Variants in WWOX observed in about 807,000 individuals in gnomAD.
The protein encoded by WWOX is WW domain-containing oxidoreductase.
A neutral mutation model predicts 46.2 loss-of-function variants in WWOX; 69 were observed. The ratio of observed to expected loss-of-function variants is 1.49; its 90% CI spans 1.23 to 1.82. WWOX has a LOEUF of 1.82. Among genes scored for constraint, WWOX ranks in the 40% most tolerant of loss-of-function variants. WWOX has a pLI of 0.00. For synonymous variants in WWOX, 359 were observed against 202.6 expected (o/e 1.77, Z -6.56); for missense variants, 919 against 542.6 (o/e 1.69, Z -6.89).
chr16:79,201,411 A>T (rs1276733176), intron 8 of WWOX, among the ~76,000 whole-genome samples: 1 of 151,032 alleles, frequency 6.6e-6, no homozygotes, highest in Non-Finnish European at 1.5e-5. Context: ...TTTGCTTTGC[A>T]AGAGAGTTGG....
intron 5 of WWOX, among the ~76,000 whole-genome samples, chr16:78,377,554 C>A (rs1021860197): frequency 2.0e-5 from 3 of 152,166 alleles, no homozygotes; most frequent in Non-Finnish European, 4.4e-5. Context: ...AAAGCTCTTA[C>A]TTCAATAGCA....
intron 4 of WWOX, among the ~76,000 whole-genome samples, chr16:78,148,284 A>T (rs1345277903): frequency 6.6e-6 from 1 of 152,300 alleles, no homozygotes; most frequent in Admixed American, 6.5e-5. Context: ...AAGTGAGACC[A>T]TGGGTGTGTG....
At chr16:79,102,341 A>G (rs1235627785) in intron 8 of WWOX, among the ~76,000 whole-genome samples, 1 of 152,160 alleles carries the variant, frequency 6.6e-6, no homozygotes, top group Non-Finnish European at 1.5e-5. Context: ...TAAATGGGCA[A>G]ACTGGGAGGG....
In WWOX at chr16:78,338,997, T is replaced by C. The variant is rs116906749; in HGVS notation, c.517-47863T>C. Among the ~76,000 whole-genome samples, 64 of 120,680 alleles carry C rather than the reference T, an allele frequency of 5.3e-4. 2 individuals are homozygous for C. In the East Asian group the frequency reaches 0.012, roughly 22 times the overall value. 79.2% of individuals were successfully genotyped at this position (120,680 alleles called of 152,430 possible). ...TAGCTTTAAGTAATTGCATGTAAAC[T>C]GTTACTTCTTCATTTTCTAGTCTTA... On this transcript the variant is annotated intron_variant, in intron 5 of 8. Coordinates refer to ENST00000566780, the MANE Select transcript of WWOX (RefSeq NM_016373.4).
intron 8 of WWOX, among the ~76,000 whole-genome samples, chr16:78,644,580 G>A (rs1487380248): frequency 6.6e-6 from 1 of 151,964 alleles, no homozygotes; most frequent in Non-Finnish European, 1.5e-5. Context: ...TCCTGCCTCA[G>A]CCTCCCAAGT....
At chr16:78,397,124 G>A (rs1200524684) in intron 6 of WWOX, among the ~76,000 whole-genome samples, 2 of 152,146 alleles carry the variant, frequency 1.3e-5, no homozygotes, top group Admixed American at 1.3e-4. Flanking sequence ...ACTCCCCCAT[G>A]ATATTTCACG....
In WWOX at chr16:78,321,372, G is replaced by GTATATATACGTA. The variant is rs71137885; in HGVS notation, c.517-65481_517-65480insACGTATATATAT. ...TACGTATATATGCGTATATATATACGTATATATGCGTATATATATACGTAT... is the reference window on the plus strand; with the variant it reads ...TACGTATATATGCGTATATATATACGTATATATACGTATATATATGCGTATATATATACGTAT... On this transcript the variant is annotated intron_variant, in intron 5 of 8. Transcript: ENST00000566780. Among the ~76,000 whole-genome samples, 97 of 43,530 alleles carry GTATATATACGTA rather than the reference G, an allele frequency of 2.2e-3. 5 individuals carry two copies. The highest frequency in any genetic ancestry group is 8.3e-3 in the Admixed American group (31 of 3,726). The allele number at this position is 43,530 out of a possible 152,430, so 28.6% of individuals were successfully genotyped here.
At chr16:78,359,061 A>G (rs993446080) in intron 5 of WWOX, among the ~76,000 whole-genome samples, 1 of 152,106 alleles carries the variant, frequency 6.6e-6, no homozygotes, top group Non-Finnish European at 1.5e-5. Flanking sequence ...TGGGCTAAAT[A>G]AGAAGTTTAA....
intron 8 of WWOX, among the ~76,000 whole-genome samples, chr16:78,457,357 AAAGTAAT>A (rs1298419354): frequency 1.3e-5 from 2 of 152,202 alleles, no homozygotes; most frequent in African/African-American, 4.8e-5. Context: ...TGGTTCCTTC[AAAGTAAT>A]GACTAAGTAC....
chr16:78,965,562 C>G (rs983168956), intron 8 of WWOX, among the ~76,000 whole-genome samples: 2 of 145,058 alleles, frequency 1.4e-5, no homozygotes, highest in African/African-American at 2.6e-5. Flanking sequence ...GAGCAAAACT[C>G]CATCTTAAAA....
chr16:79,138,657 T>G (rs533590878), intron 8 of WWOX, among the ~76,000 whole-genome samples: 2 of 152,322 alleles, frequency 1.3e-5, no homozygotes, highest in East Asian at 3.9e-4. Context: ...GGGTCCTCCA[T>G]GTACAGCCAT....
chr16:78,538,627 A>G (rs1344806694), intron 8 of WWOX, among the ~76,000 whole-genome samples: 3 of 152,222 alleles, frequency 2.0e-5, no homozygotes, highest in African/African-American at 4.8e-5. Flanking sequence ...ATATGCCTCC[A>G]AAGACTTTGT....
chr16:78,379,743 T>G (rs1449524781), intron 5 of WWOX, among the ~76,000 whole-genome samples: 1 of 152,160 alleles, frequency 6.6e-6, no homozygotes, highest in East Asian at 1.9e-4. Context: ...CCCAGCTAAT[T>G]CCTAGGCAAT....
At chr16:78,186,876 G>C (rs2035725286) in intron 5 of WWOX, among the ~76,000 whole-genome samples, 1 of 152,162 alleles carries the variant, frequency 6.6e-6, no homozygotes, top group African/African-American at 2.4e-5. Flanking sequence ...CCTTAACCCA[G>C]CTTCCCCAGT....
At chr16:78,266,515 C>A (rs142511851) in intron 5 of WWOX, among the ~76,000 whole-genome samples, 260 of 152,276 alleles carry the variant, frequency 1.7e-3, no homozygotes, top group African/African-American at 6.1e-3. Context: ...TTTGTCCCTT[C>A]CCTCTGAAGG....
At chr16:78,864,543 A>G (rs2043960524) in intron 8 of WWOX, among the ~76,000 whole-genome samples, 1 of 152,126 alleles carries the variant, frequency 6.6e-6, no homozygotes, top group African/African-American at 2.4e-5. Flanking sequence ...TGCTGGGATT[A>G]TAGGCATGAG....
At chr16:78,563,179 T>G (rs1319778858) in intron 8 of WWOX, among the ~76,000 whole-genome samples, 1 of 152,226 alleles carries the variant, frequency 6.6e-6, no homozygotes, top group Admixed American at 6.5e-5. Context: ...TCAAGATGAT[T>G]ACATGGGAAA....
rs577669603 is a variant in WWOX at position 79,189,250 on chromosome 16, C to G, written c.1057-22358C>G. ...AGGCATCTATTAGGAAAGCCTATTT[C>G]TTTTTTTTTTCTTTTTGTTTTTTCT... On this transcript the variant is annotated intron_variant, in intron 8 of 8. Transcript: ENST00000566780. 2.0e-5 allele frequency among the ~76,000 whole-genome samples: 3 copies of G among 148,990 alleles called. No homozygotes were observed. In the South Asian group the frequency reaches 6.4e-4, roughly 32 times the overall value.
At chr16:79,121,350 C>T (rs1413266202) in intron 8 of WWOX, among the ~76,000 whole-genome samples, 1 of 152,178 alleles carries the variant, frequency 6.6e-6, no homozygotes, top group Non-Finnish European at 1.5e-5. Flanking sequence ...GTACCAGCTG[C>T]TGTGGAAAAA....
Sources: gnomAD v4.1 joint callset for allele counts (sites outside exome capture counted in the v4.1 genomes callset) on GRCh38, gnomAD v4.1.1 for gene constraint, MANE v1.5 for transcripts, NCBI Gene and HGNC (gene_info 2026-07-23, HGNC 2026-07-21) for gene names.